Variants in CHAT observed in about 807,000 individuals in gnomAD.
CHAT encodes acetyl CoA:choline O-acetyltransferase.
CHAT carries 61 observed loss-of-function variants against 76.9 expected under a neutral mutation model. The observed-to-expected ratio is 0.79, with a 90% CI of 0.65 to 0.98. The LOEUF (loss-of-function observed/expected upper bound fraction) is 0.98. CHAT is among the 50% of genes least tolerant of loss of function. CHAT has a pLI of 0.00. For missense variants in CHAT, 946 were observed against 986.9 expected (o/e 0.96, Z 0.56); for synonymous variants, 407 against 397.4 (o/e 1.02, Z -0.29).
In CHAT at chr10:49,665,115, C is replaced by A; in HGVS notation, c.*69C>A. The stretch of plus-strand genomic sequence containing the variant: ...AGCCAGACCCTGCAGATCCCCACTC[C>A]CGTCCCTTACCCCAGCTTTCCACAG... On this transcript the variant is annotated 3_prime_UTR_variant, in exon 15 of 15. Transcript: ENST00000337653. The A allele has an allele frequency of 6.4e-7, 1 of 1,550,854 alleles. No individual in the cohort carries two copies. The highest frequency in any genetic ancestry group is 8.9e-7 in the Non-Finnish European group (1 of 1,127,114).
At chr10:49,636,668 G>A (rs763023141) in intron 7 of CHAT, among the ~76,000 whole-genome samples, 2 of 152,152 alleles carry the variant, frequency 1.3e-5, no homozygotes, top group Middle Eastern at 3.2e-3. Context: ...TTTTTGGGGA[G>A]TTTTAATGTT....
At chr10:49,627,912 C>T in intron 7 of CHAT, 127 bp downstream of exon 7, 1 of 1,126,262 alleles carries the variant, frequency 8.9e-7, no homozygotes, top group Non-Finnish European at 1.3e-6. Flanking sequence ...GGGCCCACAG[C>T]ATGCCCTGCG....
intron 11 of CHAT, among the ~76,000 whole-genome samples, chr10:49,654,769 G>A (rs147024024): frequency 1.3e-5 from 2 of 152,312 alleles, no homozygotes; most frequent in East Asian, 1.9e-4. Context: ...ATTCTGTGCT[G>A]TTCATCAAAC....
rs772600687 is a variant in CHAT, at chr10:49,625,548, C to G, written c.828C>G (p.Leu276=). The change falls in exon 6 of 15, where the codon CTC becomes CTG. Residue 276 remains leucine, a synonymous_variant. Transcript: ENST00000337653. ...QPLCMKQYYG[L]FSSYRLPGHT... The stretch of plus-strand genomic sequence containing the variant: ...TTTGCATGAAGCAATACTATGGGCT[C>G]TTCTCCTCCTACCGGCTCCCCGGCC... 1 of 1,613,734 alleles carries G rather than the reference C, an allele frequency of 6.2e-7. No individual in the cohort carries two copies. Among genetic ancestry groups the G allele is most frequent in the South Asian group, 1.1e-5 (1 of 90,910 alleles).
chr10:49,630,892 G>A (rs1370556504), intron 7 of CHAT, among the ~76,000 whole-genome samples: 1 of 152,196 alleles, frequency 6.6e-6, no homozygotes, highest in African/African-American at 2.4e-5. Context: ...GAGGCGGGCA[G>A]TTGGATGTTG....
chr10:49,664,960 C>T lies in CHAT; in HGVS notation c.2161C>T (p.Leu721Phe). The change falls in exon 15 of 15, where the codon CTC becomes TTC. Residue 721 changes from leucine (L) to phenylalanine (F), a missense_variant. Transcript: ENST00000337653. ...VEESLIDMRD[L>F]CSLLPPTESK... ...AGAAAGCCTCATTGACATGAGAGAC[C>T]TCTGCAGTCTGCTGCCGCCTACTGA... 1 of 1,614,242 alleles carries T rather than the reference C, an allele frequency of 6.2e-7. No homozygotes were observed. The highest frequency in any genetic ancestry group is 8.5e-7 in the Non-Finnish European group (1 of 1,180,044).
chr10:49,625,336 G>T (rs1453646273), intron 5 of CHAT, 137 bp from the exon 6 acceptor site: 1 of 776,042 alleles, frequency 1.3e-6, no homozygotes. Flanking sequence ...ATTGAGCTCT[G>T]CATCTGCCAT....
At chr10:49,626,315 T>G (rs1838920529) in intron 6 of CHAT, among the ~76,000 whole-genome samples, 1 of 152,228 alleles carries the variant, frequency 6.6e-6, no homozygotes, top group African/African-American at 2.4e-5. Flanking sequence ...CTCTTCCCTG[T>G]GCCCACTGCA....
upstream of CHAT, chr10:49,612,703 A>C: frequency 4.2e-6 from 1 of 240,302 alleles, no homozygotes; most frequent in Non-Finnish European, 8.4e-6. Flanking sequence ...AAATCAATAA[A>C]CTGTGTCTGT....
At chr10:49,654,485 C>T (rs1027631789) in intron 11 of CHAT, among the ~76,000 whole-genome samples, 3 of 152,242 alleles carry the variant, frequency 2.0e-5, no homozygotes, top group African/African-American at 7.2e-5. Flanking sequence ...GGACGCTGGC[C>T]CAGTTACCAT....
intron 7 of CHAT, among the ~76,000 whole-genome samples, chr10:49,629,685 T>C (rs1324665901): frequency 2.6e-5 from 4 of 152,196 alleles, no homozygotes; most frequent in African/African-American, 9.6e-5. Context: ...GCTTTCTGAA[T>C]GGAAGTGCTG....
At position 49,627,629 on chromosome 10, in the gene CHAT, A is replaced by T; in HGVS notation, c.955A>T (p.Ile319Phe). The change falls in exon 7 of 15, where the codon ATT becomes TTT. Residue 319 changes from isoleucine (I) to phenylalanine (F), a missense_variant. Physicochemically the swap from Ile to Phe is conservative, Grantham distance 21. Transcript: ENST00000337653. ...ACAGTTCTTTGTCTTGGATGTTGTCATTAATTTCCGCCGTCTCAGTGAGGG... is the reference window on the plus strand; with the variant it reads ...ACAGTTCTTTGTCTTGGATGTTGTCTTTAATTTCCGCCGTCTCAGTGAGGG... ...CNQFFVLDVV[I>F]NFRRLSEGDL... 6.2e-7 allele frequency: 1 copy of T among 1,614,156 alleles called. No homozygotes were observed. Among genetic ancestry groups the T allele is most frequent in the Non-Finnish European group, 8.5e-7 (1 of 1,179,978 alleles).
At chr10:49,612,574 G>A (rs1458050446), upstream of CHAT, 1 of 531,854 alleles carries the variant, frequency 1.9e-6, no homozygotes, top group African/African-American at 1.9e-5. Flanking sequence ...CCTTGCGGAG[G>A]TGAAGAGGAC....
At chr10:49,612,899 T>A (rs965397048), upstream of CHAT, among the ~76,000 whole-genome samples, 2 of 152,234 alleles carry the variant, frequency 1.3e-5, no homozygotes, top group African/African-American at 4.8e-5. Flanking sequence ...ACAAAGGCTG[T>A]CACCCACGGT....
At chr10:49,633,548 A>G (rs1839196095) in intron 7 of CHAT, among the ~76,000 whole-genome samples, 1 of 152,198 alleles carries the variant, frequency 6.6e-6, no homozygotes, top group Non-Finnish European at 1.5e-5. Flanking sequence ...GATTCTGAAG[A>G]CAGGCTTGGG....
rs2132861524 is a variant in CHAT at position 49,665,880 on chromosome 10, C to T, written c.*834C>T. The stretch of plus-strand genomic sequence containing the variant: ...GGGTTTGCAGAGGACCTGGCCCCTT[C>T]CCGGGGTCCTGCCATTTGCATTTTT... On this transcript the variant is annotated 3_prime_UTR_variant, in exon 15 of 15. Coordinates refer to ENST00000337653, the MANE Select transcript of CHAT (RefSeq NM_020549.5). Among the ~76,000 whole-genome samples the T allele has an allele frequency of 6.6e-6, 1 of 152,308 alleles. No homozygotes were observed. Among genetic ancestry groups the T allele is most frequent in the Non-Finnish European group, 1.5e-5 (1 of 68,038 alleles).
At chr10:49,625,746 C>T in intron 6 of CHAT, 93 bp downstream of exon 6, 1 of 1,335,846 alleles carries the variant, frequency 7.5e-7, no homozygotes, top group Non-Finnish European at 1.0e-6. Context: ...GCTCAGCCTC[C>T]TTCCCTGAGT....
Position 49,631,521 on chromosome 10 carries a change from C to T in CHAT, c.1111+3736C>T, listed in dbSNP as rs12220022. Among the ~76,000 whole-genome samples the T allele has an allele frequency of 0.03, 4,582 of 152,244 alleles. 480 individuals are homozygous for T. The East Asian group carries it at 0.4, about 13-fold the overall frequency. On this transcript the variant is annotated intron_variant, in intron 7 of 14. Transcript: ENST00000337653. ...GGACTTCAACACAGGAATTTTGGAA[C>T]GACACAATTTGGCCCATAAGAGGAA... is the stretch of plus-strand genomic sequence containing the variant.
Position 49,666,514 on chromosome 10 carries a change from C to G in CHAT, c.*1468C>G, listed in dbSNP as rs11591560. Among the ~76,000 whole-genome samples the G allele has an allele frequency of 0.24, 36,404 of 152,194 alleles. 4,626 individuals are homozygous for G. The highest frequency in any genetic ancestry group is 0.32 in the Middle Eastern group (94 of 294). On this transcript the variant is annotated 3_prime_UTR_variant, in exon 15 of 15. Transcript: ENST00000337653. ...CAATCCTGCTGCTTCCTGCTGAGCACTCTGCTCTAGCCCAGCAATCCTGTA... is the reference window on the plus strand; with the variant it reads ...CAATCCTGCTGCTTCCTGCTGAGCAGTCTGCTCTAGCCCAGCAATCCTGTA...
Sources: gnomAD v4.1 joint callset for allele counts (sites outside exome capture counted in the v4.1 genomes callset) on GRCh38, gnomAD v4.1.1 for gene constraint, MANE v1.5 for transcripts, NCBI Gene and HGNC (gene_info 2026-07-23, HGNC 2026-07-21) for gene names.